Variants in FLT1 observed in about 807,000 individuals in gnomAD.
FLT1 encodes vascular endothelial growth factor receptor 1.
A neutral mutation model predicts 156.3 loss-of-function variants in FLT1; 49 were observed. The observed-to-expected ratio is 0.31, with a 90% CI of 0.25 to 0.40. The LOEUF (loss-of-function observed/expected upper bound fraction) is 0.40, where lower values mean the gene tolerates loss of function less well. Among genes scored for constraint, FLT1 ranks in the 10% least tolerant of loss-of-function variants. FLT1 has a pLI of 1.00. For missense variants in FLT1, 1,322 were observed against 1,637.2 expected, an observed-to-expected ratio of 0.81 and a Z score of 3.32; for synonymous variants, 594 against 583.8, an observed-to-expected ratio of 1.02 and a Z score of -0.25.
chr13:28,334,430 C>T (rs1162095827), intron 17 of FLT1, among the ~76,000 whole-genome samples: 1 of 152,142 alleles, frequency 6.6e-6, no homozygotes, highest in Non-Finnish European at 1.5e-5. Context: ...GGGACCAAGT[C>T]CCGTGTAGTT....
At chr13:28,377,723 C>T (rs1873898280) in intron 14 of FLT1, among the ~76,000 whole-genome samples, 2 of 152,184 alleles carry the variant, frequency 1.3e-5, no homozygotes, top group South Asian at 4.1e-4. Flanking sequence ...CATTCTGGAC[C>T]TTTACAACTT....
chr13:28,377,945 A>G (rs1242182593), intron 14 of FLT1, among the ~76,000 whole-genome samples: 1 of 152,094 alleles, frequency 6.6e-6, no homozygotes, highest in Non-Finnish European at 1.5e-5. Context: ...ACCTTTATAC[A>G]TGGCATGTCT....
At chr13:28,355,880 C>T (rs746722908) in intron 15 of FLT1, among the ~76,000 whole-genome samples, 73 of 152,218 alleles carry the variant, frequency 4.8e-4, no homozygotes, top group Admixed American at 1.9e-3. Context: ...TCACAGATGT[C>T]GTAAATGCAC....
rs974211485 is a variant in FLT1 at position 28,320,299 on chromosome 13, T to C, written c.3175-765A>G. Among the ~76,000 whole-genome samples, 8 of 152,174 alleles carry C rather than the reference T, an allele frequency of 5.3e-5. No homozygotes were observed. In the East Asian group the frequency reaches 1.5e-3, roughly 29 times the overall value. On this transcript the variant is annotated intron_variant, in intron 23 of 29. Transcript: ENST00000282397. ...GACCAGGGCCCCAAGGAAAGTCTGT[T>C]TTCCTTTATTTTTATTTTTTTATTT...
intron 3 of FLT1, among the ~76,000 whole-genome samples, chr13:28,445,411 G>T (rs912314592): frequency 6.6e-6 from 1 of 152,156 alleles, no homozygotes; most frequent in African/African-American, 2.4e-5. Flanking sequence ...AGGTGGCAGA[G>T]GTTGCAGGAG....
At chr13:28,336,100 A>C (rs1456814433) in intron 17 of FLT1, among the ~76,000 whole-genome samples, 2 of 152,170 alleles carry the variant, frequency 1.3e-5, no homozygotes, top group African/African-American at 4.8e-5. Flanking sequence ...AGACCCTTGC[A>C]TGTTTGGGGC....
intron 1 of FLT1, among the ~76,000 whole-genome samples, chr13:28,479,213 A>G (rs1246692287): frequency 6.6e-6 from 1 of 152,226 alleles, no homozygotes; most frequent in Non-Finnish European, 1.5e-5. Flanking sequence ...AAAGTTATCC[A>G]TCATAGGGGA....
intron 3 of FLT1, 150 bp from the exon 4 acceptor site, chr13:28,438,495 T>C: frequency 1.5e-6 from 1 of 683,566 alleles, no homozygotes; most frequent in East Asian, 2.7e-5. Flanking sequence ...TGTCTCTGAA[T>C]TTGGCCCTCT....
intron 4 of FLT1, among the ~76,000 whole-genome samples, chr13:28,436,294 G>C (rs997595390): frequency 6.6e-6 from 1 of 152,168 alleles, no homozygotes; most frequent in African/African-American, 2.4e-5. Flanking sequence ...GACAAAGCAG[G>C]CATGTGAAAA....
At chr13:28,377,537 G>A (rs558798183) in intron 14 of FLT1, among the ~76,000 whole-genome samples, 4 of 152,282 alleles carry the variant, frequency 2.6e-5, no homozygotes, top group Non-Finnish European at 5.9e-5. Context: ...TTGAAGAAGC[G>A]TATTTCAGGT....
intron 11 of FLT1, chr13:28,398,948 C>T: frequency 1.2e-6 from 1 of 860,090 alleles, no homozygotes; most frequent in Non-Finnish European, 1.9e-6. Flanking sequence ...TCAGGTGTCC[C>T]TTTTCTTATT....
intron 28 of FLT1, 47 bp downstream of exon 28, chr13:28,308,796 G>T: frequency 8.8e-7 from 1 of 1,130,958 alleles, no homozygotes; most frequent in Non-Finnish European, 1.4e-6. Context: ...GGGATCTGAA[G>T]AAGGGGTCTA....
chr13:28,303,897 T>C (rs1209797911), intron 29 of FLT1, among the ~76,000 whole-genome samples: 1 of 152,176 alleles, frequency 6.6e-6, no homozygotes, highest in African/African-American at 2.4e-5. Flanking sequence ...CTGTCGTGCC[T>C]GTGTTCTAGA....
chr13:28,428,769 T>G (rs1254405247), intron 8 of FLT1, among the ~76,000 whole-genome samples: 1 of 152,242 alleles, frequency 6.6e-6, no homozygotes, highest in Non-Finnish European at 1.5e-5. Flanking sequence ...AGGAGTTTCT[T>G]GTGTTCTGTA....
At position 28,467,000 on chromosome 13, in the gene FLT1, A is replaced by G; in HGVS notation, c.291T>C (p.Ala97=). ...TGTAGAAGCCAGTGTGGTTTGCTTG[A>G]GCTGTGTTCAAGGTTAAAGTACTGC... ...QFCSTLTLNT[A]QANHTGFYSC... Residue 97 remains alanine (A), a synonymous_variant, in exon 3 of 30, where the codon GCT becomes GCC. Coordinates refer to ENST00000282397, the MANE Select transcript of FLT1 (RefSeq NM_002019.4). The G allele has an allele frequency of 6.2e-7, 1 of 1,614,126 alleles. No individual in the cohort carries two copies. The highest frequency in any genetic ancestry group is 1.3e-5 in the African/African-American group (1 of 75,034).
intron 13 of FLT1, chr13:28,389,387 G>C: frequency 1.6e-6 from 2 of 1,266,554 alleles, no homozygotes; most frequent in Non-Finnish European, 2.0e-6. Context: ...AAAATAAAAA[G>C]AGGTTGGCAT....
chr13:28,474,200 A>C (rs1434922654), intron 1 of FLT1, among the ~76,000 whole-genome samples: 1 of 152,152 alleles, frequency 6.6e-6, no homozygotes, highest in African/African-American at 2.4e-5. Context: ...TTATGCCTGT[A>C]ATCCCAGCAT....
chr13:28,483,971 G>T (rs1261725858), intron 1 of FLT1, among the ~76,000 whole-genome samples: 2 of 152,174 alleles, frequency 1.3e-5, no homozygotes, highest in African/African-American at 2.4e-5. Context: ...TCTTGGCTTG[G>T]CTGTTCCATA....
intron 25 of FLT1, among the ~76,000 whole-genome samples, 196 bp from the exon 26 acceptor site, chr13:28,312,294 A>G (rs1871037503): frequency 6.6e-6 from 1 of 152,210 alleles, no homozygotes; most frequent in Non-Finnish European, 1.5e-5. Flanking sequence ...TCCTGTGGTC[A>G]GTGGAAAACA....
Sources: gnomAD v4.1 joint callset for allele counts (sites outside exome capture counted in the v4.1 genomes callset) on GRCh38, gnomAD v4.1.1 for gene constraint, MANE v1.5 for transcripts, NCBI Gene and HGNC (gene_info 2026-07-23, HGNC 2026-07-21) for gene names.